Variants in KAZN observed in about 807,000 individuals in gnomAD.
KAZN encodes kazrin, periplakin interacting protein, also known as kazrin.
A neutral mutation model predicts 87.4 loss-of-function variants in KAZN; 40 were observed. That is an observed-to-expected ratio of 0.46 (90% CI 0.36 to 0.60). The LOEUF (loss-of-function observed/expected upper bound fraction) is 0.60, where lower values mean the gene tolerates loss of function less well. KAZN is among the 20% of genes least tolerant of loss of function. The pLI, the probability that KAZN is intolerant of heterozygous loss-of-function variation, is 0.00. For missense variants in KAZN, 898 were observed against 1,073.9 expected (o/e 0.84, Z 2.29); for synonymous variants, 466 against 458.3 (o/e 1.02, Z -0.22).
chr1:14,269,692 A>G (rs1651772370), intron 2 of KAZN, among the ~76,000 whole-genome samples: 1 of 152,198 alleles, frequency 6.6e-6, no homozygotes, highest in Non-Finnish European at 1.5e-5. Context: ...TGTGGTTACA[A>G]TATGGAAACT....
intron 2 of KAZN, among the ~76,000 whole-genome samples, chr1:14,474,287 T>C (rs1668605280): frequency 6.6e-6 from 1 of 152,050 alleles, no homozygotes; most frequent in South Asian, 2.1e-4. Flanking sequence ...TAATTTATGA[T>C]AGGGGTAAAC....
At chr1:15,110,112 TGTGTG>T (rs1260637302) in intron 13 of KAZN, among the ~76,000 whole-genome samples, 9 of 128,766 alleles carry the variant, frequency 7.0e-5, no homozygotes, top group African/African-American at 2.5e-4. Flanking sequence ...TGCGTATTTG[TGTGTG>T]TATTTGTGTA....
chr1:14,826,159 AC>A (rs1319630210), intron 1 of KAZN, among the ~76,000 whole-genome samples: 2 of 151,848 alleles, frequency 1.3e-5, no homozygotes, highest in Non-Finnish European at 2.9e-5. Context: ...AAGCCCGTGC[AC>A]CCCCATCTGA....
rs550101664 is a variant in KAZN at position 14,976,373 on chromosome 1, A to G, written c.418+15498A>G. 1.9e-4 allele frequency among the ~76,000 whole-genome samples: 29 copies of G among 152,280 alleles called. 1 individual carries two copies. Among genetic ancestry groups the G allele is most frequent in the African/African-American group, 6.5e-4 (27 of 41,552 alleles). ...GCCAGTCACTCTTGCCCCGGCCACAAGAAGGACCGCAGGACTTAGGCCTGA... is the reference window on the plus strand; with the variant it reads ...GCCAGTCACTCTTGCCCCGGCCACAGGAAGGACCGCAGGACTTAGGCCTGA... On this transcript the variant is annotated intron_variant, in intron 2 of 14. Transcript: ENST00000376030.
chr1:15,001,500 T>C (rs1484089761), intron 2 of KAZN, among the ~76,000 whole-genome samples: 2 of 150,666 alleles, frequency 1.3e-5, no homozygotes, highest in Admixed American at 6.6e-5. Context: ...ATGTTGCTGG[T>C]GCCTCCAGGC....
Position 13,908,931 on chromosome 1 carries a change from A to G in KAZN, c.91+15175A>G, listed in dbSNP as rs1639546614. ...ATGTTTTATGAGACCAAAGAGAGTA[A>G]GTACGAGGCTACTCCTTGGGCTGCC... On this transcript the variant is annotated intron_variant, in intron 1 of 16. Coordinates refer to the KAZN transcript ENST00000636203. Among the ~76,000 whole-genome samples the G allele has an allele frequency of 2.0e-5, 3 of 152,212 alleles. No homozygotes were observed. In the South Asian group the frequency reaches 6.2e-4, roughly 32 times the overall value.
chr1:14,855,831 C>T (rs141319726), intron 1 of KAZN, among the ~76,000 whole-genome samples: 73 of 152,268 alleles, frequency 4.8e-4, no homozygotes, highest in Non-Finnish European at 5.3e-4. Flanking sequence ...CTTGCAACCG[C>T]GCTAAGCCAT....
chr1:14,547,579 T>C (rs1295352465), intron 2 of KAZN, among the ~76,000 whole-genome samples: 1 of 152,176 alleles, frequency 6.6e-6, no homozygotes, highest in Non-Finnish European at 1.5e-5. Flanking sequence ...AAAATTTATT[T>C]TAAAATAACG....
intron 2 of KAZN, among the ~76,000 whole-genome samples, chr1:14,999,503 CCCCCG>C (rs893909593): frequency 7.1e-6 from 1 of 141,342 alleles, no homozygotes; most frequent in Non-Finnish European, 1.5e-5. Context: ...TGCCCCCCTC[CCCCCG>C]CCCCGCCATC....
intron 1 of KAZN, among the ~76,000 whole-genome samples, chr1:13,978,167 C>T (rs1638466823): frequency 1.4e-5 from 2 of 143,564 alleles, no homozygotes; most frequent in Admixed American, 7.0e-5. Flanking sequence ...TTGTTGGATT[C>T]TTAAGTTGCA....
chr1:14,559,849 C>T (rs1405629662), intron 2 of KAZN, among the ~76,000 whole-genome samples: 1 of 152,192 alleles, frequency 6.6e-6, no homozygotes, highest in Non-Finnish European at 1.5e-5. Context: ...CTGTCCAGGC[C>T]TCTGTTTCCT....
At chr1:14,689,275 G>T (rs1417196549) in intron 1 of KAZN, among the ~76,000 whole-genome samples, 1 of 152,166 alleles carries the variant, frequency 6.6e-6, no homozygotes, top group East Asian at 1.9e-4. Flanking sequence ...GGTCTGGTTT[G>T]TAGTATCTCA....
intron 13 of KAZN, among the ~76,000 whole-genome samples, chr1:15,109,659 ATG>A (rs3044316): frequency 0.9 from 136,280 of 151,934 alleles, 61,182 homozygotes; most frequent in East Asian, 0.99. Flanking sequence ...ATGTTTGTGT[ATG>A]TGTTTATATG....
intron 1 of KAZN, among the ~76,000 whole-genome samples, chr1:14,834,563 G>A (rs974003639): frequency 2.6e-5 from 4 of 151,560 alleles, no homozygotes; most frequent in African/African-American, 7.3e-5. Context: ...GGGTTTCACC[G>A]TGTTAGCCAG....
intron 1 of KAZN, among the ~76,000 whole-genome samples, chr1:14,141,117 G>C (rs1056560332): frequency 1.3e-5 from 2 of 151,228 alleles, no homozygotes; most frequent in Non-Finnish European, 1.5e-5. Context: ...CTGGCAAGCT[G>C]TTTCTAGATC....
intron 1 of KAZN, chr1:14,692,005 A>G: frequency 1.0e-5 from 2 of 200,696 alleles, no homozygotes; most frequent in East Asian, 1.2e-4. Context: ...CAACTGGATA[A>G]AAACAATCAC....
rs1053988047 is a variant in KAZN, at chr1:14,610,471, C to T, written c.226+11248C>T. On this transcript the variant is annotated intron_variant, in intron 1 of 14. Coordinates refer to ENST00000376030, the MANE Select transcript of KAZN (RefSeq NM_201628.3). ...ATCTCCTGACCTCGTGATCGACCCA[C>T]CTCAGCCTCCCAAAGTGCTGGGATT... Among the ~76,000 whole-genome samples, 2 of 151,932 alleles carry T rather than the reference C, an allele frequency of 1.3e-5. 1 individual carries two copies. The highest frequency in any genetic ancestry group is 4.2e-4 in the South Asian group (2 of 4,806).
At chr1:14,384,756 C>A (rs28886080) in intron 2 of KAZN, among the ~76,000 whole-genome samples, 46,137 of 149,102 alleles carry the variant, frequency 0.31, 8,114 homozygotes, top group East Asian at 0.71. Flanking sequence ...ATGTTCATCG[C>A]GGATATTGGT....
At chr1:14,066,354 C>A (rs79241228) in intron 1 of KAZN, among the ~76,000 whole-genome samples, 3 of 152,060 alleles carry the variant, frequency 2.0e-5, no homozygotes, top group Non-Finnish European at 2.9e-5. Context: ...ATTGCCGGAT[C>A]GAACGGTAGA....
Sources: gnomAD v4.1 joint callset for allele counts (sites outside exome capture counted in the v4.1 genomes callset) on GRCh38, gnomAD v4.1.1 for gene constraint, MANE v1.5 for transcripts, NCBI Gene and HGNC (gene_info 2026-07-23, HGNC 2026-07-21) for gene names.